The following GNAQ variants were observed in gnomAD, a reference collection of about 807,000 sequenced individuals.
The protein encoded by GNAQ is guanine nucleotide-binding protein G(q) subunit alpha.
Under a neutral mutation model 43.9 loss-of-function variants are expected in GNAQ, and 8 were observed. The observed-to-expected ratio is 0.18, with a 90% confidence interval of 0.11 to 0.33. GNAQ has a LOEUF of 0.33. Among genes scored for constraint, GNAQ ranks in the 10% least tolerant of loss-of-function variants. GNAQ has a pLI of 1.00. For synonymous variants in GNAQ, 155 were observed against 170.7 expected (o/e 0.91, Z 0.71); for missense variants, 158 against 450.8 (o/e 0.35, Z 5.88).
intron 1 of GNAQ, among the ~76,000 whole-genome samples, chr9:77,985,137 C>T (rs776840442): frequency 1.8e-4 from 28 of 152,034 alleles, no homozygotes; most frequent in Non-Finnish European, 2.6e-4. Flanking sequence ...GGTGAAACTC[C>T]GTCTCTACTA....
At chr9:77,842,259 A>C (rs994170789) in intron 2 of GNAQ, among the ~76,000 whole-genome samples, 2 of 152,204 alleles carry the variant, frequency 1.3e-5, no homozygotes, top group African/African-American at 4.8e-5. Context: ...TGGCATGGAA[A>C]CTACCACTTG....
intron 1 of GNAQ, among the ~76,000 whole-genome samples, chr9:78,013,346 G>A (rs1823796658): frequency 6.7e-6 from 1 of 149,872 alleles, no homozygotes; most frequent in Non-Finnish European, 1.5e-5. Flanking sequence ...AAGTTTTAGG[G>A]TACATGTGCA....
chr9:77,803,378 C>T (rs894951174), intron 3 of GNAQ, among the ~76,000 whole-genome samples: 37 of 152,216 alleles, frequency 2.4e-4, no homozygotes, highest in Non-Finnish European at 7.3e-5. Context: ...CTGTTTCAAG[C>T]TTTCAGGCCT....
chr9:77,766,131 T>A (rs1826133122), intron 5 of GNAQ, among the ~76,000 whole-genome samples: 1 of 152,242 alleles, frequency 6.6e-6, no homozygotes, highest in Non-Finnish European at 1.5e-5. Flanking sequence ...GTTCTGACGA[T>A]CCATGTAGTG....
rs1462948408 is a variant in GNAQ, at chr9:77,720,108, A to G, written c.*1215T>C. ...TACATTGCCGGTTTGGACACTGAAC[A>G]TGGGACGTGAACACTAACAATGTCA... On this transcript the variant is annotated 3_prime_UTR_variant, in exon 7 of 7. Transcript: ENST00000286548. 4.3e-6 allele frequency: 1 copy of G among 232,932 alleles called. No individual in the cohort carries two copies. The highest frequency in any genetic ancestry group is 8.5e-6 in the Non-Finnish European group (1 of 117,824). The allele number at this position is 232,932 out of a possible 1,614,324, so 14.4% of individuals were successfully genotyped here. A position where few individuals can be genotyped will look rare whatever the true frequency, so the allele number is the denominator to read the frequency against.
At chr9:78,003,587 G>C (rs1823669242) in intron 1 of GNAQ, among the ~76,000 whole-genome samples, 1 of 152,090 alleles carries the variant, frequency 6.6e-6, no homozygotes. Context: ...GGCCGAGGCG[G>C]GCAGATCATT....
intron 1 of GNAQ, among the ~76,000 whole-genome samples, 196 bp downstream of exon 1, chr9:78,030,904 T>TGG (rs1286983713): frequency 6.6e-6 from 1 of 151,270 alleles, no homozygotes; most frequent in Non-Finnish European, 1.5e-5. Context: ...TGTGTGTGTG[T>TGG]GTGTGTGTGT....
chr9:77,997,372 A>AT (rs1293031300), intron 1 of GNAQ, among the ~76,000 whole-genome samples: 2 of 151,980 alleles, frequency 1.3e-5, no homozygotes, highest in Non-Finnish European at 2.9e-5. Flanking sequence ...ATCTCCAGAG[A>AT]TTTTTCAGGG....
intron 2 of GNAQ, among the ~76,000 whole-genome samples, chr9:77,870,828 A>C (rs75310635): frequency 3.9e-5 from 6 of 152,294 alleles, no homozygotes; most frequent in Admixed American, 1.3e-4. Context: ...TAAAAAAAAA[A>C]CCTCAAAAAC....
At chr9:77,810,037 A>G (rs184082761) in intron 3 of GNAQ, among the ~76,000 whole-genome samples, 2 of 152,244 alleles carry the variant, frequency 1.3e-5, no homozygotes, top group African/African-American at 4.8e-5. Flanking sequence ...ATTTTATATA[A>G]TTTTCCTTCT....
At chr9:77,728,350 C>G (rs1229492223) in intron 6 of GNAQ, among the ~76,000 whole-genome samples, 164 bp downstream of exon 6, 1 of 152,192 alleles carries the variant, frequency 6.6e-6, no homozygotes, top group East Asian at 1.9e-4. Context: ...TTTTGTGTCA[C>G]TAAAAGACAG....
At chr9:77,976,974 C>T (rs992998179) in intron 1 of GNAQ, among the ~76,000 whole-genome samples, 5 of 152,274 alleles carry the variant, frequency 3.3e-5, no homozygotes, top group Admixed American at 6.5e-5. Flanking sequence ...AAGCATCAAG[C>T]ACTAGACTAT....
chr9:77,753,629 A>G (rs1825852628), intron 5 of GNAQ, among the ~76,000 whole-genome samples: 1 of 151,536 alleles, frequency 6.6e-6, no homozygotes, highest in South Asian at 2.1e-4. Flanking sequence ...TGAGGGTGAC[A>G]GAAAGAGGAA....
chr9:78,009,955 A>G (rs10156400), intron 1 of GNAQ, among the ~76,000 whole-genome samples: 2,437 of 152,314 alleles, frequency 0.016, 65 homozygotes, highest in African/African-American at 0.054. Flanking sequence ...ACAAACATGA[A>G]CTGGTACTGG....
At chr9:77,820,857 G>A (rs1354820287) in intron 2 of GNAQ, among the ~76,000 whole-genome samples, 1 of 152,116 alleles carries the variant, frequency 6.6e-6, no homozygotes, top group East Asian at 1.9e-4. Context: ...TCTATAAGAT[G>A]GAACAATTTG....
chr9:78,010,939 G>T (rs1046956321), intron 1 of GNAQ, among the ~76,000 whole-genome samples: 4 of 152,140 alleles, frequency 2.6e-5, no homozygotes, highest in African/African-American at 9.7e-5. Flanking sequence ...GGCTAAAGAG[G>T]AACAACATAG....
rs554783626 is a variant in GNAQ, at chr9:77,904,317, C to CTTTTTTTTTTTTTT, written c.321+17830_321+17843dup. Among the ~76,000 whole-genome samples, 21 of 77,428 alleles carry CTTTTTTTTTTTTTT rather than the reference C, an allele frequency of 2.7e-4. 3 individuals carry two copies. Among genetic ancestry groups the CTTTTTTTTTTTTTT allele is most frequent in the East Asian group, 2.3e-3 (4 of 1,734 alleles). 50.8% of individuals were successfully genotyped at this position (77,428 alleles called of 152,430 possible). A position where few individuals can be genotyped will look rare whatever the true frequency, so the allele number is the denominator to read the frequency against. ...TGGAGTTAACAGAAGTTCACACCGG[C>CTTTTTTTTTTTTTT]TTTTTTTTTTTTTTTTTTTTTTTTT... On this transcript the variant is annotated intron_variant, in intron 2 of 6. Transcript: ENST00000286548.
intron 2 of GNAQ, among the ~76,000 whole-genome samples, chr9:77,862,111 T>C (rs1353510457): frequency 1.3e-5 from 2 of 151,912 alleles, no homozygotes; most frequent in Non-Finnish European, 2.9e-5. Flanking sequence ...TCCTGGCTGC[T>C]TTCACAGGCA....
chr9:77,730,379 G>T (rs977670881), intron 5 of GNAQ, among the ~76,000 whole-genome samples: 1 of 152,148 alleles, frequency 6.6e-6, no homozygotes, highest in Non-Finnish European at 1.5e-5. Context: ...GCCATGTATT[G>T]CTCCTCTGCA....
Sources: allele counts gnomAD v4.1 joint callset (sites outside exome capture counted in the v4.1 genomes callset), GRCh38; gene constraint gnomAD v4.1.1; transcripts MANE v1.5; gene names NCBI Gene and HGNC (gene_info 2026-07-23, HGNC 2026-07-21).